CDH4: variants seen among roughly 807,000 people sequenced by gnomAD.
CDH4 encodes the protein cadherin 4, also known as cadherin-4.
In CDH4, 33 loss-of-function variants were observed where a neutral mutation model predicts 86.0. The ratio of observed to expected loss-of-function variants is 0.38; its 90% confidence interval spans 0.29 to 0.51. The LOEUF (loss-of-function observed/expected upper bound fraction) is 0.51. CDH4 is among the 20% of genes least tolerant of loss of function. The pLI, the probability that CDH4 is intolerant of heterozygous loss-of-function variation, is 0.86. For synonymous variants in CDH4, 555 were observed against 549.4 expected (o/e 1.01, Z -0.14); for missense variants, 1,114 against 1,307.4 (o/e 0.85, Z 2.28).
At chr20:61,673,711 C>T (rs1179224916) in intron 2 of CDH4, among the ~76,000 whole-genome samples, 1 of 152,168 alleles carries the variant, frequency 6.6e-6, no homozygotes, top group African/African-American at 2.4e-5. Context: ...TTCAGCATGT[C>T]TCAGGTTCAT....
At chr20:61,595,597 G>T in intron 2 of CDH4, among the ~76,000 whole-genome samples, 1 of 152,288 alleles carries the variant, frequency 6.6e-6, no homozygotes, top group African/African-American at 2.4e-5. Flanking sequence ...CTTCTTTATT[G>T]TTTTTTTAGA....
At chr20:61,296,340 TGA>T (rs1313738507) in intron 2 of CDH4, among the ~76,000 whole-genome samples, 4 of 145,572 alleles carry the variant, frequency 2.7e-5, no homozygotes, top group African/African-American at 7.9e-5. Context: ...TGTGTGTGTG[TGA>T]GAGAGAGATC....
chr20:61,348,255 G>A (rs912270311), intron 2 of CDH4, among the ~76,000 whole-genome samples: 3 of 152,142 alleles, frequency 2.0e-5, no homozygotes, highest in African/African-American at 7.2e-5. Flanking sequence ...CTTACATGGT[G>A]GCAGGCAAAA....
intron 2 of CDH4, among the ~76,000 whole-genome samples, chr20:61,442,415 T>TC (rs73625068): frequency 0.37 from 56,553 of 152,110 alleles, 10,776 homozygotes; most frequent in East Asian, 0.53. Flanking sequence ...ATGCTCATCA[T>TC]CTGCTGTGCA....
chr20:61,331,312 T>G (rs1212033887), intron 2 of CDH4, among the ~76,000 whole-genome samples: 1 of 151,946 alleles, frequency 6.6e-6, no homozygotes, highest in Non-Finnish European at 1.5e-5. Flanking sequence ...CCCATGGTGG[T>G]CAGGAGGAGA....
intron 2 of CDH4, among the ~76,000 whole-genome samples, chr20:61,315,273 G>A (rs913919807): frequency 9.9e-5 from 15 of 152,144 alleles, no homozygotes; most frequent in South Asian, 2.1e-4. Context: ...GGAAAGAAAC[G>A]TTTCCTCCTC....
At chr20:61,370,359 A>T (rs1465427072) in intron 2 of CDH4, 1 of 152,188 alleles carries the variant, frequency 6.6e-6, no homozygotes, top group Non-Finnish European at 1.5e-5. Context: ...GGAGAGTGGT[A>T]CAGGTGATGC....
At chr20:61,657,927 C>T (rs1259552128) in intron 2 of CDH4, among the ~76,000 whole-genome samples, 3 of 152,110 alleles carry the variant, frequency 2.0e-5, no homozygotes, top group African/African-American at 7.2e-5. Flanking sequence ...ATTAGAGGCT[C>T]GTCACCGGTG....
In CDH4 at chr20:61,409,580, A is replaced by G. The variant is rs73316312; in HGVS notation, c.169+154643A>G. Among the ~76,000 whole-genome samples the G allele has an allele frequency of 2.5e-3, 384 of 152,334 alleles. 2 individuals are homozygous for G. Among genetic ancestry groups the G allele is most frequent in the African/African-American group, 8.6e-3 (357 of 41,592 alleles). ...CCCTGAGAGGTATCGCACTGTGTGC[A>G]TTTCAGAATCATTTCAAAGAGGCAG... On this transcript the variant is annotated intron_variant, in intron 2 of 15. Coordinates refer to ENST00000614565, the MANE Select transcript of CDH4 (RefSeq NM_001794.5).
intron 2 of CDH4, among the ~76,000 whole-genome samples, chr20:61,451,689 GAGAGGAGAGGGGAAGGA>G (rs2085381719): frequency 6.6e-6 from 1 of 152,068 alleles, no homozygotes; most frequent in African/African-American, 2.4e-5. Flanking sequence ...GGGCACTAAA[GAGAGGAGAGGGGAAGGA>G]GGAGGAGGGG....
intron 2 of CDH4, among the ~76,000 whole-genome samples, chr20:61,273,361 A>G (rs1184650198): frequency 3.3e-5 from 4 of 122,920 alleles, no homozygotes; most frequent in African/African-American, 1.3e-4. Context: ...TTGGGGGAGT[A>G]CCGTGTGCAG....
chr20:61,719,419 C>T, intron 2 of CDH4: 1 of 250,390 alleles, frequency 4.0e-6, no homozygotes, highest in Non-Finnish European at 8.6e-6. Flanking sequence ...AAAACATTAG[C>T]AATATTGCAA....
chr20:61,637,241 G>T (rs111686965), intron 2 of CDH4, among the ~76,000 whole-genome samples: 1 of 152,248 alleles, frequency 6.6e-6, no homozygotes, highest in East Asian at 1.9e-4. Context: ...GTGAGGGGAT[G>T]CGCGTGTGTG....
At chr20:61,868,694 T>C (rs373304764) in intron 6 of CDH4, among the ~76,000 whole-genome samples, 2 of 53,136 alleles carry the variant, frequency 3.8e-5, no homozygotes, top group African/African-American at 5.4e-5. Flanking sequence ...CGGGTGTCCC[T>C]CCACTCTGGG....
chr20:61,412,777 G>A (rs746588693), intron 2 of CDH4, among the ~76,000 whole-genome samples: 3 of 152,068 alleles, frequency 2.0e-5, no homozygotes, highest in Non-Finnish European at 2.9e-5. Flanking sequence ...TTTTTCCTTC[G>A]AACCAGTCCA....
chr20:61,375,925 C>CTGGTGGTGG (rs1568819197), intron 2 of CDH4, among the ~76,000 whole-genome samples: 20 of 6,128 alleles, frequency 3.3e-3, no homozygotes, highest in Middle Eastern at 0.062. Flanking sequence ...GGTCTTGGTG[C>CTGGTGGTGG]TGGTGATGAT....
In CDH4 at chr20:61,264,581, A is replaced by G. The variant is rs992900711; in HGVS notation, c.169+9644A>G. On this transcript the variant is annotated intron_variant, in intron 2 of 15. Transcript: ENST00000614565. ...CATACCTCAGTGGTTCCTTCATTCAATCTTACACATACAGTGGCTCCTTCA... is the reference window on the plus strand; with the variant it reads ...CATACCTCAGTGGTTCCTTCATTCAGTCTTACACATACAGTGGCTCCTTCA... Among the ~76,000 whole-genome samples, 4 of 129,616 alleles carry G rather than the reference A, an allele frequency of 3.1e-5. No individual in the cohort carries two copies. The East Asian group carries it at 8.0e-4, about 26-fold the overall frequency. 85.0% of individuals were successfully genotyped at this position (129,616 alleles called of 152,430 possible). A position where few individuals can be genotyped will look rare whatever the true frequency, so the allele number is the denominator to read the frequency against.
chr20:61,371,018 C>T (rs1022873025), intron 2 of CDH4, among the ~76,000 whole-genome samples: 61 of 152,374 alleles, frequency 4.0e-4, no homozygotes, highest in East Asian at 1.9e-4. Context: ...GGCGGGAGCG[C>T]GCAGCCTGGG....
chr20:61,804,396 C>T (rs993353789), intron 4 of CDH4, among the ~76,000 whole-genome samples: 1 of 152,208 alleles, frequency 6.6e-6, no homozygotes, highest in African/African-American at 2.4e-5. Context: ...GTCTGACCAC[C>T]CCTCTCCGCC....
Sources: gnomAD v4.1 joint callset for allele counts (sites outside exome capture counted in the v4.1 genomes callset) on GRCh38, gnomAD v4.1.1 for gene constraint, MANE v1.5 for transcripts, NCBI Gene and HGNC (gene_info 2026-07-23, HGNC 2026-07-21) for gene names.